NRP2: variants seen among roughly 807,000 people sequenced by gnomAD.
NRP2 encodes neuropilin 2, also known as neuropilin-2.
A neutral mutation model predicts 110.4 loss-of-function variants in NRP2; 52 were observed. That is an observed-to-expected ratio of 0.47 (90% confidence interval 0.38 to 0.59). NRP2 has a LOEUF of 0.59. NRP2 is among the 20% of genes least tolerant of loss of function. The pLI, the probability that NRP2 is intolerant of heterozygous loss-of-function variation, is 0.00. For synonymous variants in NRP2, 508 were observed against 468.9 expected (o/e 1.08, Z -1.08); for missense variants, 1,049 against 1,203.0 (o/e 0.87, Z 1.89).
chr2:205,738,868 C>A (rs190805428), intron 7 of NRP2, among the ~76,000 whole-genome samples: 1 of 152,166 alleles, frequency 6.6e-6, no homozygotes, highest in Non-Finnish European at 1.5e-5. Context: ...GGTGGACCAG[C>A]GAAAATCTGC....
chr2:205,764,399 A>T (rs1231499361), intron 13 of NRP2: 1 of 191,060 alleles, frequency 5.2e-6, no homozygotes, highest in Non-Finnish European at 1.1e-5. Context: ...CAGACATGAG[A>T]GGCTCCAGAG....
At chr2:205,744,360 C>G (rs138423044) in intron 9 of NRP2, among the ~76,000 whole-genome samples, 1 of 152,190 alleles carries the variant, frequency 6.6e-6, no homozygotes, top group Non-Finnish European at 1.5e-5. Context: ...CCAAAAATAA[C>G]GATGTTTTTC....
chr2:205,713,127 C>G (rs183474238), intron 2 of NRP2, among the ~76,000 whole-genome samples: 296 of 152,212 alleles, frequency 1.9e-3, no homozygotes, highest in Middle Eastern at 3.4e-3. Flanking sequence ...TGTTGGGCAG[C>G]CCTGCTTCAT....
chr2:205,699,221 G>A (rs1212873655), intron 2 of NRP2, among the ~76,000 whole-genome samples: 1 of 152,198 alleles, frequency 6.6e-6, no homozygotes, highest in African/African-American at 2.4e-5. Flanking sequence ...CATTTGCTCA[G>A]CATCCCAAGG....
rs2058341454 is a variant in NRP2 at position 205,795,187 on chromosome 2, G to T, written c.*129G>T. 8.2e-6 allele frequency: 8 copies of T among 976,164 alleles called. No homozygotes were observed. Among genetic ancestry groups the T allele is most frequent in the Non-Finnish European group, 1.1e-5 (7 of 636,284 alleles). 60.5% of individuals were successfully genotyped at this position (976,164 alleles called of 1,614,324 possible). ...AACCGATCCAGAATACCGAAGGTAT[G>T]GACAGGACAGAAAAGCGAGTCGCAG... On this transcript the variant is annotated 3_prime_UTR_variant, in exon 17 of 17. Coordinates refer to ENST00000357785, the MANE Select transcript of NRP2 (RefSeq NM_003872.3).
intron 2 of NRP2, among the ~76,000 whole-genome samples, chr2:205,714,970 G>A (rs970024675): frequency 1.3e-5 from 2 of 152,210 alleles, no homozygotes. Context: ...ACAGAAGGGT[G>A]CATTCCCAGC....
At chr2:205,735,839 C>T (rs1415487345) in intron 7 of NRP2, among the ~76,000 whole-genome samples, 2 of 152,146 alleles carry the variant, frequency 1.3e-5, no homozygotes, top group Admixed American at 6.5e-5. Context: ...CCACTTTGTG[C>T]CCTGAATCGC....
At chr2:205,776,906 C>T (rs998134329) in intron 15 of NRP2, 13 of 1,195,920 alleles carry the variant, frequency 1.1e-5, no homozygotes, top group South Asian at 3.3e-5. Context: ...TGCCAGGAGA[C>T]GTGAGGGGAA....
At chr2:205,751,725 C>A (rs550946972) in intron 11 of NRP2, among the ~76,000 whole-genome samples, 1 of 152,160 alleles carries the variant, frequency 6.6e-6, no homozygotes. Flanking sequence ...TCTACCAGTC[C>A]GTGGCTCCCT....
chr2:205,724,979 A>G (rs1311828260), intron 5 of NRP2, among the ~76,000 whole-genome samples: 1 of 152,116 alleles, frequency 6.6e-6, no homozygotes, highest in Admixed American at 6.5e-5. Flanking sequence ...ACATAACTTT[A>G]AAGACTGAAG....
At position 205,729,942 on chromosome 2, in the gene NRP2, T is replaced by TTTTTTG. The variant is rs3834160; in HGVS notation, c.1146+1919_1146+1924dup. Reference sequence around the variant, plus strand: ...AGCAGCCAAGGGGTAACTTGAGAGTTTTTTTGTTTTTGTTTTTGTTTTTGT... The same window carrying TTTTTTG: ...AGCAGCCAAGGGGTAACTTGAGAGTTTTTTTGTTTTTGTTTTTGTTTTTGTTTTTGT... On this transcript the variant is annotated intron_variant, in intron 7 of 16. Transcript: ENST00000357785. Among the ~76,000 whole-genome samples the TTTTTTG allele has an allele frequency of 1.8e-4, 27 of 152,240 alleles. 1 individual carries two copies. In the East Asian group the frequency reaches 3.9e-3, roughly 22 times the overall value.
chr2:205,697,812 AC>A, intron 2 of NRP2, 91 bp downstream of exon 2: 1 of 1,241,986 alleles, frequency 8.1e-7, no homozygotes, highest in Non-Finnish European at 1.2e-6. Flanking sequence ...ATCACCCCTC[AC>A]CCCAAGACCT....
intron 2 of NRP2, among the ~76,000 whole-genome samples, chr2:205,700,505 G>A (rs559539192): frequency 9.2e-5 from 14 of 152,310 alleles, no homozygotes; most frequent in East Asian, 7.7e-4. Context: ...TTCTTCCTAC[G>A]TGCAGGGTTA....
At chr2:205,752,452 T>G (rs2057663628) in intron 11 of NRP2, 1 of 315,212 alleles carries the variant, frequency 3.2e-6, no homozygotes, top group South Asian at 2.9e-5. Context: ...GAGATAATAC[T>G]TTTTTTGGGA....
intron 15 of NRP2, among the ~76,000 whole-genome samples, chr2:205,783,233 T>A (rs1223133782): frequency 6.6e-6 from 1 of 152,134 alleles, no homozygotes; most frequent in Non-Finnish European, 1.5e-5. Flanking sequence ...ACTGCCAACT[T>A]ACGGGGAATA....
chr2:205,756,245 C>T (rs1261974612), intron 12 of NRP2, among the ~76,000 whole-genome samples: 1 of 152,122 alleles, frequency 6.6e-6, no homozygotes, highest in Non-Finnish European at 1.5e-5. Flanking sequence ...GTGACCCCTG[C>T]TAGCTGCGGA....
In NRP2 at chr2:205,763,364, C is replaced by T. The variant is rs372294236; in HGVS notation, c.2045-310C>T. ...AGAATCTAGAGGGAGAAGAAGGGCA[C>T]GCACACAACCAGCCAAGACATAAGG... On this transcript the variant is annotated intron_variant, in intron 12 of 16. Transcript: ENST00000357785. The surrounding 1 kb of genome is among the most constrained non-coding windows in gnomAD (Gnocchi z 4.0). Among the ~76,000 whole-genome samples, 27 of 152,074 alleles carry T rather than the reference C, an allele frequency of 1.8e-4. No homozygotes were observed. The East Asian group carries it at 2.9e-3, about 16-fold the overall frequency.
At chr2:205,727,380 T>C (rs2057147508) in intron 6 of NRP2, among the ~76,000 whole-genome samples, 1 of 152,214 alleles carries the variant, frequency 6.6e-6, no homozygotes. Flanking sequence ...AGACTCTACA[T>C]GCCCTTTGAC....
chr2:205,776,332 G>T, intron 15 of NRP2: 1 of 1,612,856 alleles, frequency 6.2e-7, no homozygotes, highest in Middle Eastern at 1.6e-4. Context: ...CGTAATGGCC[G>T]CCGGGGGCGC....
Sources: allele counts gnomAD v4.1 joint callset (sites outside exome capture counted in the v4.1 genomes callset), GRCh38; gene constraint gnomAD v4.1.1; non-coding constraint Gnocchi (gnomAD v3.1); transcripts MANE v1.5; gene names NCBI Gene and HGNC (gene_info 2026-07-23, HGNC 2026-07-21).